Variants in MATR3 observed in about 807,000 individuals in gnomAD.
MATR3 encodes matrin 3, also known as matrin-3.
Under a neutral mutation model 85.5 loss-of-function variants are expected in MATR3, and 4 were observed. The observed-to-expected ratio is 0.05, with a 90% CI of 0.02 to 0.11. The LOEUF (loss-of-function observed/expected upper bound fraction) is 0.11, where lower values mean the gene tolerates loss of function less well. MATR3 is among the 10% of genes least tolerant of loss of function. The pLI is 1.00. For synonymous variants in MATR3, 336 were observed against 343.1 expected (o/e 0.98, Z 0.23); for missense variants, 685 against 1,016.1 (o/e 0.67, Z 4.43).
At position 139,330,201 on chromosome 5, in the gene MATR3, A is replaced by G. The variant is rs1397795207; in HGVS notation, c.*806A>G. 1 of 454,410 alleles carries G rather than the reference A, an allele frequency of 2.2e-6. No homozygotes were observed. 28.1% of individuals were successfully genotyped at this position (454,410 alleles called of 1,614,324 possible). A position where few individuals can be genotyped will look rare whatever the true frequency, so the allele number is the denominator to read the frequency against. On this transcript the variant is annotated 3_prime_UTR_variant, in exon 15 of 15. Transcript: ENST00000394805. ...CCATCTCTTCATATTTTCAAGATGTAATTTTACATTTCTGCATTTTTAAAA... is the reference window on the plus strand; with the variant it reads ...CCATCTCTTCATATTTTCAAGATGTGATTTTACATTTCTGCATTTTTAAAA...
chr5:139,317,042 T>G lies in MATR3; in HGVS notation c.1130-11T>G, dbSNP rs767544331. 1 of 1,603,198 alleles carries G rather than the reference T, an allele frequency of 6.2e-7. No individual in the cohort carries two copies. The highest frequency in any genetic ancestry group is 8.5e-7 in the Non-Finnish European group (1 of 1,171,036). On this transcript the variant is annotated splice_polypyrimidine_tract_variant and intron_variant, in intron 5 of 14. Coordinates refer to ENST00000394805, the MANE Select transcript of MATR3 (RefSeq NM_018834.6). ...TGATTACAAGACTGAAAACTTTCTC[T>G]TCCCATAAAGGTGCTGGAAATGGAA...
Position 139,304,229 on chromosome 5 carries a change from A to G in MATR3, c.-177-3010A>G, listed in dbSNP as rs987681328. The stretch of plus-strand genomic sequence containing the variant: ...TTGTTAAGAATTTGGTTATCGGGCC[A>G]GGCGTGGTGGCTCATGCCTATATAA... On this transcript the variant is annotated intron_variant, in intron 1 of 14. Transcript: ENST00000394805. Among the ~76,000 whole-genome samples the G allele has an allele frequency of 1.3e-5, 2 of 152,286 alleles. 1 individual carries two copies. Among genetic ancestry groups the G allele is most frequent in the Middle Eastern group, 6.8e-3 (2 of 294 alleles).
chr5:139,314,626 A>T, intron 2 of MATR3, 49 bp from the exon 3 acceptor site: 1 of 1,498,422 alleles, frequency 6.7e-7, no homozygotes. Context: ...TTCAGATGAA[A>T]ATATTTCAGC....
intron 8 of MATR3, 30 bp downstream of exon 8, chr5:139,319,063 C>T: frequency 1.9e-6 from 3 of 1,581,178 alleles, no homozygotes; most frequent in African/African-American, 1.3e-5. Context: ...AGCTGTATAT[C>T]AGTTTAACAA....
Position 139,307,821 on chromosome 5 carries a change from G to A in MATR3, c.406G>A (p.Glu136Lys), listed in dbSNP as rs1754787169. 1 of 1,613,972 alleles carries A rather than the reference G, an allele frequency of 6.2e-7. No individual in the cohort carries two copies. The highest frequency in any genetic ancestry group is 8.5e-7 in the Non-Finnish European group (1 of 1,180,016). The change falls in exon 2 of 15, where the codon GAG (glutamate) becomes AAG (lysine). Residue 136 changes from glutamate (E) to lysine (K), a missense_variant. This residue lies in a region of MATR3 where 223 missense variants were observed against 334.4 expected (regional missense o/e 0.67). Coordinates refer to ENST00000394805, the MANE Select transcript of MATR3 (RefSeq NM_018834.6). This position sits in a 1 kb window ranked among gnomAD's most constrained non-coding sequence, Gnocchi z 4.4. ...TTATCCAGAGGACAAGATTACTCCT[G>A]AGAATTTGCCCCAAATCCTTCTACA... ...SRYPEDKITP[E>K]NLPQILLQLK...
At chr5:139,311,750 C>CTTTTTTTTTTTTTTTTTTTT (rs552172719) in intron 2 of MATR3, 4 of 65,236 alleles carry the variant, frequency 6.1e-5, no homozygotes, top group Non-Finnish European at 1.0e-4. Context: ...TTAATTAATC[C>CTTTTTTTTTTTTTTTTTTTT]TTTTTTTTTT....
chr5:139,278,608 GT>G lies in MATR3; in HGVS notation c.-256-441del, dbSNP rs142278625. The G allele has an allele frequency of 9.3e-4, 332 of 357,924 alleles. 3 individuals are homozygous for G. The highest frequency in any genetic ancestry group is 6.6e-3 in the African/African-American group (310 of 47,092). 22.2% of individuals were successfully genotyped at this position (357,924 alleles called of 1,614,324 possible). A position where few individuals can be genotyped will look rare whatever the true frequency, so the allele number is the denominator to read the frequency against. On this transcript the variant is annotated intron_variant, in intron 2 of 16. Coordinates refer to ENST00000509990, the Ensembl canonical transcript of MATR3. The stretch of plus-strand genomic sequence containing the variant: ...GGCACATGGCAGGACCTCCCTGAAT[GT>G]TGCATAAAACAACTGAAAACACAGA...
chr5:139,276,998 T>A (rs992169248), intron 2 of MATR3, among the ~76,000 whole-genome samples: 1 of 152,222 alleles, frequency 6.6e-6, no homozygotes, highest in African/African-American at 2.4e-5. Context: ...TTGCTTTAGT[T>A]GCTTACTGAT....
chr5:139,296,365 G>T (rs547685917), intron 1 of MATR3, among the ~76,000 whole-genome samples: 2 of 152,048 alleles, frequency 1.3e-5, no homozygotes, highest in African/African-American at 4.8e-5. Flanking sequence ...TCGTTTGATT[G>T]TTTTTTAAAC....
chr5:139,315,721 T>A lies in MATR3; in HGVS notation c.999T>A (p.Asn333Lys), dbSNP rs1163574043. ...GCTACCCAGAATGGAATCCTGACAA[T>A]GATACAGGACACACAATGTAAGTTA... Reference protein sequence around the residue: ...LEIYPEWNPDNDTGHTMGDPF... With the variant: ...LEIYPEWNPDKDTGHTMGDPF... The change falls in exon 4 of 15, where the codon AAT (asparagine) becomes AAA (lysine). Residue 333 changes from asparagine (N) to lysine (K), a missense_variant. By Grantham distance (94) the Asn-to-Lys change is moderately conservative (BLOSUM62 0). Around this residue, in one of 9 missense-constraint regions of MATR3, gnomAD observed 223 missense variants for 334.4 expected, o/e 0.67. Transcript: ENST00000394805. The A allele has an allele frequency of 6.2e-7, 1 of 1,611,444 alleles. No individual in the cohort carries two copies. The highest frequency in any genetic ancestry group is 8.5e-7 in the Non-Finnish European group (1 of 1,177,728).
chr5:139,281,665 T>C lies in MATR3; in HGVS notation c.-178+2536T>C, dbSNP rs570729078. On this transcript the variant is annotated intron_variant, in intron 3 of 16. Transcript: ENST00000509990. ...CCACACCCAGCCGAAGTAGTTTTTT[T>C]CTGTTAATCTTTTCCCATGCTGCAA... is the stretch of plus-strand genomic sequence containing the variant. 2.8e-3 allele frequency among the ~76,000 whole-genome samples: 426 copies of C among 152,242 alleles called. 1 individual carries two copies. Among genetic ancestry groups the C allele is most frequent in the Middle Eastern group, 6.8e-3 (2 of 294 alleles).
At chr5:139,281,680 C>T (rs1345863553) in intron 3 of MATR3, among the ~76,000 whole-genome samples, 1 of 152,048 alleles carries the variant, frequency 6.6e-6, no homozygotes, top group Non-Finnish European at 1.5e-5. Flanking sequence ...TAATCTTTTC[C>T]CATGCTGCAA....
chr5:139,323,093 C>T, intron 12 of MATR3, 126 bp downstream of exon 12: 1 of 957,926 alleles, frequency 1.0e-6, no homozygotes, highest in Non-Finnish European at 1.5e-6. Context: ...AGATATGAAC[C>T]AGAATATAAA....
rs1191529191 is a variant in MATR3, at chr5:139,307,906, C to T, written c.491C>T (p.Ser164Phe). 5.6e-6 allele frequency: 9 copies of T among 1,614,066 alleles called. No homozygotes were observed. The highest frequency in any genetic ancestry group is 5.9e-6 in the Non-Finnish European group (7 of 1,180,010). Residue 164 changes from serine (S) to phenylalanine (F), a missense_variant, in exon 2 of 15, where the codon TCT (serine) becomes TTT (phenylalanine). Around this residue, in one of 9 missense-constraint regions of MATR3, gnomAD observed 223 missense variants for 334.4 expected, o/e 0.67. Coordinates refer to ENST00000394805, the MANE Select transcript of MATR3 (RefSeq NM_018834.6). This position sits in a 1 kb window ranked among gnomAD's most constrained non-coding sequence, Gnocchi z 4.4. ...PTLSYGRDGR[S>F]ATREPPYRVP... ...TTGAGTTATGGTAGAGATGGCAGAT[C>T]TGCTACACGGGAGCCACCATACAGA...
intron 4 of MATR3, 70 bp from the exon 5 acceptor site, chr5:139,316,006 A>C (rs1193277290): frequency 1.7e-6 from 2 of 1,202,376 alleles, no homozygotes; most frequent in Non-Finnish European, 1.2e-6. Flanking sequence ...GGGTGCTTTA[A>C]CATTTAATCT....
intron 1 of MATR3, among the ~76,000 whole-genome samples, chr5:139,304,749 A>T (rs1412094732): frequency 1.3e-5 from 2 of 152,196 alleles, no homozygotes; most frequent in East Asian, 3.8e-4. Context: ...GCAGTTTCCT[A>T]TAGAAAGGCA....
chr5:139,320,782 C>CT (rs1755522634), intron 9 of MATR3, among the ~76,000 whole-genome samples: 1 of 120,760 alleles, frequency 8.3e-6, no homozygotes, highest in African/African-American at 3.4e-5. Flanking sequence ...GAGTCTCGCT[C>CT]TGTCACCCCG....
At chr5:139,318,442 TGTTC>T (rs1755368066) in intron 7 of MATR3, among the ~76,000 whole-genome samples, 1 of 151,914 alleles carries the variant, frequency 6.6e-6, no homozygotes, top group African/African-American at 2.4e-5. Context: ...CCAACATTTT[TGTTC>T]GTTTGTTTTT....
At chr5:139,289,900 C>A (rs1353773310), upstream of MATR3, among the ~76,000 whole-genome samples, 1 of 152,206 alleles carries the variant, frequency 6.6e-6, no homozygotes, top group African/African-American at 2.4e-5. Flanking sequence ...CTCAATGTTA[C>A]CTGATATCCA....
Sources: gnomAD v4.1 joint callset for allele counts (sites outside exome capture counted in the v4.1 genomes callset) on GRCh38, gnomAD v4.1.1 for gene constraint, gnomAD v4.1.1 regional missense constraint, Gnocchi (gnomAD v3.1) non-coding constraint, MANE v1.5 for transcripts, NCBI Gene and HGNC (gene_info 2026-07-23, HGNC 2026-07-21) for gene names.